MICALL2: variants seen among roughly 807,000 people sequenced by gnomAD.
The protein encoded by MICALL2 is MICAL like 2, also known as MICAL-like protein 2.
A neutral mutation model predicts 91.1 loss-of-function variants in MICALL2; 111 were observed. The ratio of observed to expected loss-of-function variants is 1.22; its 90% CI spans 1.04 to 1.43. MICALL2 has a LOEUF of 1.43. Ranked by LOEUF, MICALL2 falls within the 40% of genes most tolerant of loss-of-function variation. The pLI, the probability that MICALL2 is intolerant of heterozygous loss-of-function variation, is 0.00. For synonymous variants in MICALL2, 694 were observed against 525.3 expected, an observed-to-expected ratio of 1.32 and a Z score of -4.39; for missense variants, 1,556 against 1,236.0, an observed-to-expected ratio of 1.26 and a Z score of -3.88.
intron 7 of MICALL2, chr7:1,440,961 G>C: frequency 2.2e-6 from 1 of 458,106 alleles, no homozygotes; most frequent in Non-Finnish European, 4.1e-6. Context: ...GTGGCAGGGT[G>C]AGCCCCGTGG....
At chr7:1,439,412 C>CACACATGCATCACACAGATGT (rs140370229) in intron 9 of MICALL2, 15,903 of 217,440 alleles carry the variant, frequency 0.073, 980 homozygotes, top group African/African-American at 0.17. Flanking sequence ...CACGGTTGCA[C>CACACATGCATCACACAGATGT]ACACATGCAT....
At chr7:1,438,816 A>G (rs555949381) in intron 10 of MICALL2, 24 bp downstream of exon 10, 1 of 1,583,006 alleles carries the variant, frequency 6.3e-7, no homozygotes, top group South Asian at 1.1e-5. Flanking sequence ...CACCCCAAAC[A>G]GCAGCGGTGT....
chr7:1,457,868 G>T (rs993496273), intron 1 of MICALL2, among the ~76,000 whole-genome samples: 1 of 152,258 alleles, frequency 6.6e-6, no homozygotes, highest in Non-Finnish European at 1.5e-5. Flanking sequence ...CCCCGGGGGT[G>T]GGGTCTCGCC....
In MICALL2 at chr7:1,445,018, G is replaced by C; in HGVS notation, c.1052C>G (p.Ala351Gly). 1.3e-6 allele frequency: 2 copies of C among 1,524,484 alleles called. No homozygotes were observed. The highest frequency in any genetic ancestry group is 2.4e-5 in the East Asian group (1 of 40,852). The allele number at this position is 1,524,484 out of a possible 1,614,324, so 94.4% of individuals were successfully genotyped here. A position where few individuals can be genotyped will look rare whatever the true frequency, so the allele number is the denominator to read the frequency against. ...TNSSPMGWSS[A>G]APCTAAAASH... ...GGCAGCCGCTGCTGTGCACGGGGCA[G>C]CTGACGACCAGCCCATCGGGGAGCT... is the stretch of plus-strand genomic sequence containing the variant. Residue 351 changes from alanine to glycine, a missense_variant, in exon 6 of 17, where the codon GCT (alanine) becomes GGT (glycine). Ala to Gly is a moderately conservative substitution (Grantham distance 60, BLOSUM62 0). Coordinates refer to ENST00000297508, the MANE Select transcript of MICALL2 (RefSeq NM_182924.4).
intron 1 of MICALL2, among the ~76,000 whole-genome samples, chr7:1,453,535 T>C (rs1584234455): frequency 1.3e-5 from 2 of 152,090 alleles, no homozygotes; most frequent in African/African-American, 4.8e-5. Context: ...TGGGGGACCT[T>C]GCAAGGGCAG....
chr7:1,452,206 C>A lies in MICALL2; in HGVS notation c.144-1918G>T, dbSNP rs1780860121. 1.3e-5 allele frequency among the ~76,000 whole-genome samples: 2 copies of A among 152,328 alleles called. No individual in the cohort carries two copies. The highest frequency in any genetic ancestry group is 4.1e-4 in the South Asian group (2 of 4,826). On this transcript the variant is annotated intron_variant, in intron 1 of 16. Coordinates refer to ENST00000297508, the MANE Select transcript of MICALL2 (RefSeq NM_182924.4). The surrounding 1 kb of genome is among the most constrained non-coding windows in gnomAD (Gnocchi z 6.2). The stretch of plus-strand genomic sequence containing the variant: ...GACAAGATGGGGCGCGGACTCCTCT[C>A]CGTGTGGACAGATGACGAGGAGCCC...
rs146347352 is a variant in MICALL2, at chr7:1,442,372, G to A, written c.1531C>T (p.Pro511Ser). Residue 511 changes from proline to serine, a missense_variant, in exon 7 of 17, where the codon CCT (proline) becomes TCT (serine). Physicochemically the swap from Pro to Ser is moderately conservative, Grantham distance 74 (BLOSUM62 -1). Transcript: ENST00000297508. The part of the protein sequence containing the change: ...QSSSPRVLGL[P>S]SRMEPPAPLS... Reference sequence around the variant, plus strand: ...GGGGCTGGCGGTTCCATCCTCGAAGGGAGGCCAAGCACCCGGGGAGACGAG... The same window carrying A: ...GGGGCTGGCGGTTCCATCCTCGAAGAGAGGCCAAGCACCCGGGGAGACGAG... The A allele has an allele frequency of 1.0e-4, 165 of 1,611,586 alleles. 1 individual carries two copies. The Middle Eastern group carries it at 1.6e-3, about 16-fold the overall frequency.
At chr7:1,458,540 G>T (rs949384830) in intron 1 of MICALL2, among the ~76,000 whole-genome samples, 39 of 152,248 alleles carry the variant, frequency 2.6e-4, no homozygotes, top group African/African-American at 9.2e-4. Flanking sequence ...ATTCAGCAAC[G>T]GGCAGGGCCA....
chr7:1,439,740 C>G (rs1441674988), intron 9 of MICALL2, 185 bp downstream of exon 9: 1 of 460,794 alleles, frequency 2.2e-6, no homozygotes, highest in Non-Finnish European at 3.7e-6. Context: ...CACATGCACA[C>G]ATGCATCACA....
At chr7:1,440,483 G>C in intron 8 of MICALL2, 108 bp downstream of exon 8, 1 of 964,990 alleles carries the variant, frequency 1.0e-6, no homozygotes. Context: ...TCACAGGGAG[G>C]TGCGTCTATC....
chr7:1,440,525 T>A, intron 8 of MICALL2, 66 bp downstream of exon 8: 1 of 1,382,642 alleles, frequency 7.2e-7, no homozygotes, highest in Admixed American at 1.7e-5. Context: ...GTCGATTACA[T>A]ACTCACTGCA....
In MICALL2 at chr7:1,452,510, G is replaced by A. The variant is rs59118671; in HGVS notation, c.144-2222C>T. 0.014 allele frequency among the ~76,000 whole-genome samples: 2,176 copies of A among 152,228 alleles called. 49 individuals are homozygous for A. The highest frequency in any genetic ancestry group is 0.05 in the African/African-American group (2,062 of 41,536). On this transcript the variant is annotated intron_variant, in intron 1 of 16. Coordinates refer to ENST00000297508, the MANE Select transcript of MICALL2 (RefSeq NM_182924.4). The surrounding 1 kb of genome is among the most constrained non-coding windows in gnomAD (Gnocchi z 6.2). ...CACTGACCAAAGCGGCCATGTCCCC[G>A]GAAAGAATGCCCGGACGGCCGGGAG...
In MICALL2 at chr7:1,439,419, G is replaced by T. The variant is rs6962192; in HGVS notation, c.1967-424C>A. 7.4e-5 allele frequency: 16 copies of T among 216,530 alleles called. No individual in the cohort carries two copies. The South Asian group carries it at 1.5e-3, about 20-fold the overall frequency. 13.4% of individuals were successfully genotyped at this position (216,530 alleles called of 1,614,324 possible). On this transcript the variant is annotated intron_variant, in intron 9 of 16. Coordinates refer to ENST00000297508, the MANE Select transcript of MICALL2 (RefSeq NM_182924.4). ...TACATGAACACGGTTGCACACACAT[G>T]CATCACACAGATGTACACATGGACA...
chr7:1,438,234 G>A lies in MICALL2; in HGVS notation c.2188-14C>T, dbSNP rs375624504. The A allele has an allele frequency of 3.5e-5, 56 of 1,589,340 alleles. No homozygotes were observed. The highest frequency in any genetic ancestry group is 3.3e-4 in the Middle Eastern group (2 of 5,984). On this transcript the variant is annotated splice_polypyrimidine_tract_variant and intron_variant, in intron 11 of 16. Coordinates refer to ENST00000297508, the MANE Select transcript of MICALL2 (RefSeq NM_182924.4). ...GTCGGGGTGCAGCTGGGAACGGAGG[G>A]GCGGTGAGGATGCCGGAGGGCTGGG...
At chr7:1,434,711 G>C in intron 16 of MICALL2, 39 bp from the exon 17 acceptor site, 11 of 1,513,504 alleles carry the variant, frequency 7.3e-6, no homozygotes, top group Non-Finnish European at 9.7e-6. Context: ...GCTCAACGCC[G>C]CAGCCGCACA....
rs992454756 is a variant in MICALL2, at chr7:1,437,842, G to A, written c.2402+48C>T. The A allele has an allele frequency of 2.3e-5, 34 of 1,507,976 alleles. No homozygotes were observed. The African/African-American group carries it at 3.3e-4, about 15-fold the overall frequency. 93.4% of individuals were successfully genotyped at this position (1,507,976 alleles called of 1,614,324 possible). A position where few individuals can be genotyped will look rare whatever the true frequency, so the allele number is the denominator to read the frequency against. ...GTCCCCCGCCTGGCCTGCCCAGCCC[G>A]CAACGAGGTCCTGGCCTTCGAGGAG... On this transcript the variant is annotated intron_variant, in intron 13 of 16. Coordinates refer to ENST00000297508, the MANE Select transcript of MICALL2 (RefSeq NM_182924.4).
At chr7:1,442,975 C>A (rs971996542) in intron 6 of MICALL2, among the ~76,000 whole-genome samples, 2 of 152,110 alleles carry the variant, frequency 1.3e-5, no homozygotes, top group Non-Finnish European at 2.9e-5. Flanking sequence ...GACACAAGGC[C>A]TCCGTGCCTT....
chr7:1,440,406 C>T lies in MICALL2; in HGVS notation c.1805+185G>A, dbSNP rs867452802. Reference sequence around the variant, plus strand: ...TGCCATGCCCAGGTGAGACACGCAACGCTGCCCCCAAACCAGGGACAGCGG... The same window carrying T: ...TGCCATGCCCAGGTGAGACACGCAATGCTGCCCCCAAACCAGGGACAGCGG... On this transcript the variant is annotated intron_variant, in intron 8 of 16. Coordinates refer to ENST00000297508, the MANE Select transcript of MICALL2 (RefSeq NM_182924.4). 16 of 653,588 alleles carry T rather than the reference C, an allele frequency of 2.4e-5. No homozygotes were observed. The Middle Eastern group carries it at 1.3e-3, about 51-fold the overall frequency. 40.5% of individuals were successfully genotyped at this position (653,588 alleles called of 1,614,324 possible). A position where few individuals can be genotyped will look rare whatever the true frequency, so the allele number is the denominator to read the frequency against.
intron 7 of MICALL2, 27 bp from the exon 8 acceptor site, chr7:1,440,711 G>GGGAGGCAAGGGGTCTGGGTT: frequency 6.3e-7 from 1 of 1,590,844 alleles, no homozygotes; most frequent in Non-Finnish European, 8.6e-7. Context: ...GGGTCTGGGT[G>GGGAGGCAAGGGGTCTGGGTT]TGAGGAAGGA....
Sources: gnomAD v4.1 joint callset for allele counts (sites outside exome capture counted in the v4.1 genomes callset) on GRCh38, gnomAD v4.1.1 for gene constraint, Gnocchi (gnomAD v3.1) non-coding constraint, MANE v1.5 for transcripts, NCBI Gene and HGNC (gene_info 2026-07-23, HGNC 2026-07-21) for gene names.